SGF29: variants seen among roughly 807,000 people sequenced by gnomAD.
SGF29 encodes the protein SAGA complex associated factor 29.
In SGF29, 15 loss-of-function variants were observed where a neutral mutation model predicts 38.1. That is an observed-to-expected ratio of 0.39 (90% CI 0.26 to 0.61). SGF29 has a LOEUF of 0.61. SGF29 is among the 20% of genes least tolerant of loss of function. SGF29 has a pLI of 0.49. For synonymous variants in SGF29, 151 were observed against 160.8 expected (o/e 0.94, Z 0.46); for missense variants, 184 against 394.6 (o/e 0.47, Z 4.52).
Position 28,590,410 on chromosome 16 carries a change from C to G in SGF29, c.534C>G (p.Ala178=). 6.2e-7 allele frequency: 1 copy of G among 1,613,924 alleles called. No individual in the cohort carries two copies. Among genetic ancestry groups the G allele is most frequent in the Non-Finnish European group, 8.5e-7 (1 of 1,179,844 alleles). Residue 178 remains alanine (A), a synonymous_variant, in exon 7 of 10, where the codon GCC becomes GCG. Coordinates refer to ENST00000317058, the MANE Select transcript of SGF29 (RefSeq NM_138414.3). This position sits in a 1 kb window ranked among gnomAD's most constrained non-coding sequence, Gnocchi z 8.2. ...ATGGGGACGAGCAGTGGATCCTGGC[C>G]GAGGTGGTCAGTTACAGCCATGCCA... The part of the protein sequence containing the change: ...AVDGDEQWIL[A]EVVSYSHATN...
chr16:28,571,973 T>TTTTTTA (rs1166389719), intron 1 of SGF29, among the ~76,000 whole-genome samples: 2 of 152,198 alleles, frequency 1.3e-5, no homozygotes, highest in Admixed American at 6.5e-5. Context: ...AGTTTCTTCT[T>TTTTTTA]TTTTTATTTT....
chr16:28,584,886 C>A, intron 2 of SGF29, 27 bp from the exon 3 acceptor site: 1 of 1,596,510 alleles, frequency 6.3e-7, no homozygotes, highest in Non-Finnish European at 8.6e-7. Flanking sequence ...GGGCCACCGT[C>A]ATGTCCTGCT....
At chr16:28,588,545 A>G in intron 4 of SGF29, 1 of 415,964 alleles carries the variant, frequency 2.4e-6, no homozygotes, top group Non-Finnish European at 4.6e-6. Context: ...AGACTAAAAG[A>G]CACATACTGA....
intron 2 of SGF29, among the ~76,000 whole-genome samples, chr16:28,584,196 G>A (rs2046942188): frequency 1.3e-5 from 2 of 151,912 alleles, no homozygotes; most frequent in Admixed American, 1.3e-4. Context: ...TCATCATGTT[G>A]GCCAGGCTGG....
At chr16:28,585,887 C>T (rs2046953853) in intron 4 of SGF29, among the ~76,000 whole-genome samples, 167 bp downstream of exon 4, 1 of 152,256 alleles carries the variant, frequency 6.6e-6, no homozygotes, top group Non-Finnish European at 1.5e-5. Flanking sequence ...GCCAGGCCCA[C>T]TCTTCCAGTT....
In SGF29 at chr16:28,564,699, ATATATATACATATATATG is replaced by A. The variant is rs1567285933; in HGVS notation, c.-16+10611_-16+10628del. 9.1e-3 allele frequency among the ~76,000 whole-genome samples: 728 copies of A among 80,148 alleles called. 25 individuals carry two copies. Among genetic ancestry groups the A allele is most frequent in the African/African-American group, 0.033 (688 of 20,984 alleles). 52.6% of individuals were successfully genotyped at this position (80,148 alleles called of 152,430 possible). On this transcript the variant is annotated intron_variant, in intron 1 of 9. Transcript: ENST00000317058. ...TGTATATATATGTGTATATATATGTATATATATACATATATATGTATATATATACATATATATGTATAT... is the reference window on the plus strand; with the variant it reads ...TGTATATATATGTGTATATATATGTATATATATATACATATATATGTATAT...
At chr16:28,570,245 G>A (rs900563067) in intron 1 of SGF29, among the ~76,000 whole-genome samples, 5 of 152,212 alleles carry the variant, frequency 3.3e-5, no homozygotes, top group African/African-American at 1.2e-4. Context: ...CCAGCAACAT[G>A]TCCCTGCCAG....
At chr16:28,585,195 A>T (rs773774724) in intron 3 of SGF29, 2 of 553,578 alleles carry the variant, frequency 3.6e-6, no homozygotes, top group Admixed American at 6.7e-5. Context: ...AAGGCAGTGA[A>T]ATGAGGCTGT....
intron 9 of SGF29, among the ~76,000 whole-genome samples, chr16:28,591,366 C>G (rs561808924): frequency 6.6e-6 from 1 of 152,308 alleles, no homozygotes; most frequent in African/African-American, 2.4e-5. Flanking sequence ...AGTCAGCACC[C>G]CTACTCCTCC....
rs1450103062 is a variant in SGF29 at position 28,564,287 on chromosome 16, G to A, written c.-16+10190G>A. ...AGGGGGCAGTTGGAAGTCTGAATTG[G>A]GAGCCTTGAGAGGTCAGGGTTGGTG... On this transcript the variant is annotated intron_variant, in intron 1 of 9. Coordinates refer to ENST00000317058, the MANE Select transcript of SGF29 (RefSeq NM_138414.3). Among the ~76,000 whole-genome samples the A allele has an allele frequency of 5.9e-5, 9 of 151,806 alleles. 1 individual carries two copies. The highest frequency in any genetic ancestry group is 5.3e-4 in the Admixed American group (8 of 15,176).
intron 2 of SGF29, among the ~76,000 whole-genome samples, chr16:28,584,000 A>G (rs993599838): frequency 6.6e-6 from 1 of 151,606 alleles, no homozygotes; most frequent in Non-Finnish European, 1.5e-5. Context: ...CATTAAAGAT[A>G]TCACTTATGA....
chr16:28,591,058 C>A, intron 9 of SGF29, 123 bp downstream of exon 9: 1 of 1,234,530 alleles, frequency 8.1e-7, no homozygotes, highest in Non-Finnish European at 1.1e-6. Flanking sequence ...GCTGACAGGA[C>A]CCACCAGCTG....
chr16:28,557,382 G>C (rs1273768243), intron 1 of SGF29, among the ~76,000 whole-genome samples: 1 of 152,196 alleles, frequency 6.6e-6, no homozygotes, highest in Non-Finnish European at 1.5e-5. Context: ...CCTGGAGGGT[G>C]GCGTGCCCAG....
chr16:28,581,745 G>A (rs1480727789), intron 2 of SGF29, among the ~76,000 whole-genome samples: 1 of 151,888 alleles, frequency 6.6e-6, no homozygotes, highest in Non-Finnish European at 1.5e-5. Context: ...TGCCATGTTG[G>A]CTGTCTCTAC....
At chr16:28,589,039 A>G (rs1807960681) in intron 4 of SGF29, 61 bp from the exon 5 acceptor site, 1 of 1,582,928 alleles carries the variant, frequency 6.3e-7, no homozygotes, top group Non-Finnish European at 8.7e-7. Context: ...GAAAAAATGG[A>G]AGAGAAGTCT....
intron 1 of SGF29, among the ~76,000 whole-genome samples, chr16:28,560,148 T>C (rs536742981): frequency 6.6e-5 from 10 of 151,902 alleles, no homozygotes; most frequent in Admixed American, 1.3e-4. Flanking sequence ...CAAGAATTGT[T>C]TGAACCCAGG....
chr16:28,576,788 C>T (rs934890765), intron 1 of SGF29, among the ~76,000 whole-genome samples: 2 of 152,136 alleles, frequency 1.3e-5, no homozygotes, highest in African/African-American at 4.8e-5. Flanking sequence ...AAAAAATAGA[C>T]GTAACCCAAT....
intron 1 of SGF29, among the ~76,000 whole-genome samples, chr16:28,571,013 T>C (rs372898824): frequency 1.3e-5 from 2 of 152,196 alleles, no homozygotes; most frequent in East Asian, 3.9e-4. Context: ...CTTTTGGGGG[T>C]TCAGGAGCCA....
intron 1 of SGF29, among the ~76,000 whole-genome samples, chr16:28,575,796 C>T (rs1367378719): frequency 1.3e-5 from 2 of 152,186 alleles, no homozygotes; most frequent in African/African-American, 2.4e-5. Context: ...GTTAGGGACA[C>T]ACAAATCAAA....
Sources: allele counts gnomAD v4.1 joint callset (sites outside exome capture counted in the v4.1 genomes callset), GRCh38; gene constraint gnomAD v4.1.1; non-coding constraint Gnocchi (gnomAD v3.1); transcripts MANE v1.5; gene names NCBI Gene and HGNC (gene_info 2026-07-23, HGNC 2026-07-21).